The following WDR5 variants were observed in gnomAD, a reference collection of about 807,000 sequenced individuals.
The protein encoded by WDR5 is WD repeat domain 5.
For synonymous variants in WDR5, 144 were observed against 161.6 expected (o/e 0.89, Z 0.83); for missense variants, 187 against 416.9 (o/e 0.45, Z 4.80).
At chr9:134,156,058 GGT>G (rs1419934058) in intron 12 of WDR5, among the ~76,000 whole-genome samples, 1 of 152,238 alleles carries the variant, frequency 6.6e-6, no homozygotes, top group Non-Finnish European at 1.5e-5. Context: ...GTGTGCTCAG[GGT>G]GTCCCTGGGT....
intron 7 of WDR5, among the ~76,000 whole-genome samples, chr9:134,145,133 CTG>C (rs1406807441): frequency 8.0e-6 from 1 of 124,440 alleles, no homozygotes; most frequent in Non-Finnish European, 1.6e-5. Flanking sequence ...GAATCTCACT[CTG>C]TTGCCCAGGC....
intron 5 of WDR5, 112 bp from the exon 6 acceptor site, chr9:134,142,221 C>A: frequency 1.6e-6 from 2 of 1,272,348 alleles, no homozygotes; most frequent in South Asian, 1.3e-5. Flanking sequence ...AACAGCAAGT[C>A]ACTGGCGGGG....
In WDR5 at chr9:134,144,521, C is replaced by G. The variant is rs189161599; in HGVS notation, c.528+1802C>G. 1.1e-4 allele frequency among the ~76,000 whole-genome samples: 17 copies of G among 152,126 alleles called. No homozygotes were observed. In the East Asian group the frequency reaches 2.5e-3, roughly 22 times the overall value. On this transcript the variant is annotated intron_variant, in intron 7 of 13. Transcript: ENST00000358625. ...GGATTTTAAAAGTCTTTTTTTCTTA[C>G]GAAAGTCACGTTTGCTCATAAAAAA...
intron 1 of WDR5, among the ~76,000 whole-genome samples, chr9:134,137,738 T>G (rs1356870276): frequency 1.3e-5 from 2 of 148,688 alleles, no homozygotes; most frequent in East Asian, 4.0e-4. Flanking sequence ...TTGGTGGGTG[T>G]GTTGGGTCAA....
intron 8 of WDR5, among the ~76,000 whole-genome samples, chr9:134,149,846 G>A (rs1329468229): frequency 6.6e-6 from 1 of 152,202 alleles, no homozygotes; most frequent in Non-Finnish European, 1.5e-5. Flanking sequence ...GGAGTCAGAA[G>A]CCTCCGTCCA....
At chr9:134,148,419 G>T in intron 8 of WDR5, 76 bp downstream of exon 8, 1 of 1,344,490 alleles carries the variant, frequency 7.4e-7, no homozygotes, top group Non-Finnish European at 1.1e-6. Flanking sequence ...TCCTGCATCT[G>T]GGGGTACAGC....
In WDR5 at chr9:134,141,701, A is replaced by G; in HGVS notation, c.264+118A>G. The G allele has an allele frequency of 3.5e-6, 4 of 1,137,032 alleles. No individual in the cohort carries two copies. In the Middle Eastern group the frequency reaches 6.2e-4, roughly 175 times the overall value. The allele number at this position is 1,137,032 out of a possible 1,614,324, so 70.4% of individuals were successfully genotyped here. A position where few individuals can be genotyped will look rare whatever the true frequency, so the allele number is the denominator to read the frequency against. On this transcript the variant is annotated intron_variant, in intron 4 of 13. Coordinates refer to ENST00000358625, the MANE Select transcript of WDR5 (RefSeq NM_017588.3). ...GGTTTTAAGTTTTCCCCGTTTTTTA[A>G]TTTTTTTATAGTTATTTGCATCTTG...
intron 7 of WDR5, among the ~76,000 whole-genome samples, chr9:134,147,551 G>T (rs1832268793): frequency 6.6e-6 from 1 of 152,206 alleles, no homozygotes; most frequent in Admixed American, 6.5e-5. Flanking sequence ...TAAAATGTCA[G>T]TGGTGCCAAG....
chr9:134,136,420 C>A (rs1213259446), intron 1 of WDR5, among the ~76,000 whole-genome samples: 2 of 151,758 alleles, frequency 1.3e-5, no homozygotes, highest in South Asian at 4.1e-4. Flanking sequence ...GGTCCGCCCC[C>A]ACTCGCGCCC....
chr9:134,140,006 TAG>T (rs761973571), intron 2 of WDR5, 48 bp downstream of exon 2: 2 of 1,602,776 alleles, frequency 1.2e-6, no homozygotes. Flanking sequence ...CAAATACGCT[TAG>T]AGAGTCTCGG....
chr9:134,157,583 T>C lies in WDR5; in HGVS notation c.905-310T>C, dbSNP rs1288786798. Among the ~76,000 whole-genome samples the C allele has an allele frequency of 2.0e-5, 3 of 152,102 alleles. No homozygotes were observed. The highest frequency in any genetic ancestry group is 6.5e-5 in the Admixed American group (1 of 15,270). ...CCAGTCCTGCTGCCGCGCTCCTCCT[T>C]GTGGGCGCCGAGCTGCTGTTGGTGG... is the stretch of plus-strand genomic sequence containing the variant. On this transcript the variant is annotated intron_variant, in intron 13 of 13. Coordinates refer to ENST00000358625, the MANE Select transcript of WDR5 (RefSeq NM_017588.3). The surrounding 1 kb of genome is among the most constrained non-coding windows in gnomAD (Gnocchi z 5.0).
chr9:134,144,437 A>G (rs1400472584), intron 7 of WDR5, among the ~76,000 whole-genome samples: 1 of 152,230 alleles, frequency 6.6e-6, no homozygotes. Flanking sequence ...GGAAGAAAGA[A>G]TTCTGTGAGC....
Position 134,152,048 on chromosome 9 carries a change from G to A in WDR5, c.631+19G>A, listed in dbSNP as rs138223746. The A allele has an allele frequency of 0.028, 45,025 of 1,612,952 alleles. 747 individuals carry two copies. The highest frequency in any genetic ancestry group is 0.034 in the Non-Finnish European group (39,775 of 1,179,460). On this transcript the variant is annotated intron_variant, in intron 9 of 13. Transcript: ENST00000358625. ...CTCATCGGTGAGTGTGGCTCTGTGT[G>A]GGGGCTGGGTCTGTGGGGAGGGCCT...
chr9:134,139,615 G>T (rs1311491967), intron 1 of WDR5, among the ~76,000 whole-genome samples: 1 of 152,266 alleles, frequency 6.6e-6, no homozygotes, highest in Non-Finnish European at 1.5e-5. Context: ...GACAAAAGGG[G>T]AGAGCGCAGG....
intron 3 of WDR5, 101 bp from the exon 4 acceptor site, chr9:134,141,409 G>T: frequency 8.7e-7 from 1 of 1,149,200 alleles, no homozygotes. Context: ...GGTTCATGCT[G>T]ATCACCTGGG....
In WDR5 at chr9:134,157,947, C is replaced by T. The variant is rs1382485132; in HGVS notation, c.959C>T (p.Ala320Val). The change falls in exon 14 of 14, where the codon GCG (alanine) becomes GTG (valine). Residue 320 changes from alanine (A) to valine (V), a missense_variant. Ala to Val is a moderately conservative substitution (Grantham distance 64, BLOSUM62 0). Transcript: ENST00000358625. This position sits in a 1 kb window ranked among gnomAD's most constrained non-coding sequence, Gnocchi z 5.0. ...ACAGAAAACATCATCGCCTCTGCTG[C>T]GCTAGAAAATGACAAAACAATTAAA... The part of the protein sequence containing the change: ...HPTENIIASA[A>V]LENDKTIKLW... The T allele has an allele frequency of 4.3e-6, 7 of 1,614,040 alleles. No individual in the cohort carries two copies. Among genetic ancestry groups the T allele is most frequent in the African/African-American group, 1.3e-5 (1 of 74,918 alleles).
rs576610366 is a variant in WDR5, at chr9:134,144,285, C to T, written c.528+1566C>T. Reference sequence around the variant, plus strand: ...CCCTGTGCTTGTGGCTGTGTGCTTGCGGGCCCAGCCCCTTGGTGCCAGTCC... The same window carrying T: ...CCCTGTGCTTGTGGCTGTGTGCTTGTGGGCCCAGCCCCTTGGTGCCAGTCC... On this transcript the variant is annotated intron_variant, in intron 7 of 13. Coordinates refer to ENST00000358625, the MANE Select transcript of WDR5 (RefSeq NM_017588.3). Among the ~76,000 whole-genome samples the T allele has an allele frequency of 3.9e-5, 6 of 152,324 alleles. No individual in the cohort carries two copies. In the South Asian group the frequency reaches 8.3e-4, roughly 21 times the overall value.
intron 7 of WDR5, 147 bp downstream of exon 7, chr9:134,142,866 C>A: frequency 1.2e-6 from 1 of 801,212 alleles, no homozygotes; most frequent in Non-Finnish European, 2.0e-6. Flanking sequence ...CTAGAGCAAT[C>A]AGGTTGGAGG....
At chr9:134,147,434 C>T (rs927966740) in intron 7 of WDR5, among the ~76,000 whole-genome samples, 1 of 152,166 alleles carries the variant, frequency 6.6e-6, no homozygotes, top group African/African-American at 2.4e-5. Flanking sequence ...ATGGCAATGT[C>T]TGGAGACATT....
Sources: gnomAD v4.1 joint callset for allele counts (sites outside exome capture counted in the v4.1 genomes callset) on GRCh38, gnomAD v4.1.1 for gene constraint, Gnocchi (gnomAD v3.1) non-coding constraint, MANE v1.5 for transcripts, NCBI Gene and HGNC (gene_info 2026-07-23, HGNC 2026-07-21) for gene names.